Variants in DYNC2H1 observed in about 807,000 individuals in gnomAD.
DYNC2H1 encodes the protein cytoplasmic dynein 2 heavy chain 1.
In DYNC2H1, 410 loss-of-function variants were observed where a neutral mutation model predicts 570.0. The observed-to-expected ratio is 0.72, with a 90% CI of 0.66 to 0.78. The LOEUF (loss-of-function observed/expected upper bound fraction) is 0.78. DYNC2H1 is among the 30% of genes least tolerant of loss of function. DYNC2H1 has a pLI of 0.00. For synonymous variants in DYNC2H1, 1,688 were observed against 1,677.6 expected, an observed-to-expected ratio of 1.01 and a Z score of -0.15; for missense variants, 4,865 against 5,046.4, an observed-to-expected ratio of 0.96 and a Z score of 1.09.
At chr11:103,402,335 G>C (rs1273851433) in intron 84 of DYNC2H1, 2 of 152,120 alleles carry the variant, frequency 1.3e-5, no homozygotes, top group Non-Finnish European at 2.9e-5. Context: ...ATAATAAATA[G>C]GATTATTCCA....
intron 59 of DYNC2H1, among the ~76,000 whole-genome samples, chr11:103,225,684 G>A (rs1427910164): frequency 2.0e-5 from 3 of 152,128 alleles, no homozygotes; most frequent in Admixed American, 1.3e-4. Flanking sequence ...GTTGGGTAAT[G>A]TGATGCCTCC....
Position 103,154,722 on chromosome 11 carries a change from T to C in DYNC2H1, c.3486T>C (p.Phe1162=), listed in dbSNP as rs776823080. The C allele has an allele frequency of 3.2e-6, 5 of 1,571,204 alleles. No individual in the cohort carries two copies. Among genetic ancestry groups the C allele is most frequent in the Non-Finnish European group, 3.5e-6 (4 of 1,157,976 alleles). ...FRTKTYLFEE[F]LMNWHDRLRK... ...CTAAGACATACCTGTTTGAGGAATT[T>C]TTGATGAACTGGCATGACAGATTAA... The change falls in exon 24 of 89, where the codon TTT becomes TTC. Residue 1162 remains phenylalanine, a synonymous_variant. Transcript: ENST00000375735.
At chr11:103,208,339 G>T (rs1053646695) in intron 52 of DYNC2H1, among the ~76,000 whole-genome samples, 2 of 152,172 alleles carry the variant, frequency 1.3e-5, no homozygotes, top group Non-Finnish European at 2.9e-5. Flanking sequence ...TGGACTGGTA[G>T]ATGCCTGCAC....
At chr11:103,375,201 A>G (rs1941342533) in intron 83 of DYNC2H1, among the ~76,000 whole-genome samples, 1 of 152,308 alleles carries the variant, frequency 6.6e-6, no homozygotes, top group East Asian at 1.9e-4. Context: ...GGTGCACAGA[A>G]AACAAGAATT....
At chr11:103,444,088 A>T (rs2135775505) in intron 85 of DYNC2H1, among the ~76,000 whole-genome samples, 1 of 151,870 alleles carries the variant, frequency 6.6e-6, no homozygotes, top group East Asian at 1.9e-4. Flanking sequence ...ATATTTTTGT[A>T]TTAGTTAAAT....
Position 103,255,472 on chromosome 11 carries a change from C to T in DYNC2H1, c.10264C>T (p.Leu3422=). 6.4e-7 allele frequency: 1 copy of T among 1,569,300 alleles called. No individual in the cohort carries two copies. The highest frequency in any genetic ancestry group is 8.7e-7 in the Non-Finnish European group (1 of 1,156,018). ...KPDLEEQKTK[L]LQQEEDKKIQ... ...TGATTTAGAAGAACAGAAAACAAAA[C>T]TATTACAACAGGAAGAAGATAAGAA... The change falls in exon 67 of 89, where the codon CTA becomes TTA. Residue 3422 remains leucine, a synonymous_variant. Coordinates refer to ENST00000375735, the MANE Select transcript of DYNC2H1 (RefSeq NM_001377.3).
At chr11:103,366,587 G>A (rs555634623) in intron 83 of DYNC2H1, among the ~76,000 whole-genome samples, 2 of 152,154 alleles carry the variant, frequency 1.3e-5, no homozygotes, top group South Asian at 4.1e-4. Flanking sequence ...GTTTAATGAC[G>A]TAAAGCATGG....
intron 13 of DYNC2H1, among the ~76,000 whole-genome samples, chr11:103,132,694 C>T (rs1859340048): frequency 6.6e-6 from 1 of 151,508 alleles, no homozygotes. Context: ...TCCTGCTGGG[C>T]CCTACAGTAC....
chr11:103,220,182 A>G (rs1863532013), intron 56 of DYNC2H1, among the ~76,000 whole-genome samples, 154 bp downstream of exon 56: 1 of 152,224 alleles, frequency 6.6e-6, no homozygotes, highest in African/African-American at 2.4e-5. Context: ...AACAAGAAGG[A>G]AAGCCTTCCA....
rs1860904263 is a variant in DYNC2H1 at position 103,157,824 on chromosome 11, G to C, written c.4128-853G>C. ...AGGGATAAAGCATGATCTGCTCCTT[G>C]TTCATTTCTCTATCCTTTTCTTGTG... On this transcript the variant is annotated intron_variant, in intron 26 of 88. Transcript: ENST00000375735. This position sits in a 1 kb window ranked among gnomAD's most constrained non-coding sequence, Gnocchi z 4.2. Among the ~76,000 whole-genome samples, 1 of 152,004 alleles carries C rather than the reference G, an allele frequency of 6.6e-6. No homozygotes were observed. The highest frequency in any genetic ancestry group is 1.5e-5 in the Non-Finnish European group (1 of 68,000).
chr11:103,452,333 A>G (rs1206182166), intron 85 of DYNC2H1, among the ~76,000 whole-genome samples: 1 of 144,884 alleles, frequency 6.9e-6, no homozygotes, highest in African/African-American at 2.5e-5. Flanking sequence ...ATACATTTGA[A>G]TCACTTAATT....
chr11:103,128,743 T>C (rs1012355794), intron 12 of DYNC2H1, among the ~76,000 whole-genome samples, 167 bp from the exon 13 acceptor site: 5 of 152,222 alleles, frequency 3.3e-5, no homozygotes, highest in Non-Finnish European at 5.9e-5. Context: ...ACTTACTTGT[T>C]GATTGTGTGT....
At chr11:103,274,524 A>G (rs1865835328) in intron 70 of DYNC2H1, among the ~76,000 whole-genome samples, 1 of 152,166 alleles carries the variant, frequency 6.6e-6, no homozygotes. Flanking sequence ...ATGTTATTAT[A>G]ATCATTTTAA....
intron 84 of DYNC2H1, among the ~76,000 whole-genome samples, chr11:103,422,448 C>G (rs1313930580): frequency 6.6e-6 from 1 of 152,126 alleles, no homozygotes; most frequent in Non-Finnish European, 1.5e-5. Context: ...CAATAAAATA[C>G]TGGCAAACCA....
chr11:103,417,756 A>G (rs1318859271), intron 84 of DYNC2H1, among the ~76,000 whole-genome samples: 3 of 151,938 alleles, frequency 2.0e-5, no homozygotes, highest in Non-Finnish European at 4.4e-5. Flanking sequence ...CGTGCCTGTA[A>G]TTCCAGCTAC....
rs749867221 is a variant in DYNC2H1, at chr11:103,186,409, C to T, written c.6801C>T (p.Asp2267=). ...CTCTTCCAGTCATTCAGACTCCTGA[C>T]ATGCAACGAGGTCTAGATTATTTCA... is the stretch of plus-strand genomic sequence containing the variant. The part of the protein sequence containing the change: ...GLTLPVIQTP[D]MQRGLDYFKP... The change falls in exon 42 of 89, where the codon GAC becomes GAT. Residue 2267 remains aspartate, a synonymous_variant. Transcript: ENST00000375735. This position sits in a 1 kb window ranked among gnomAD's most constrained non-coding sequence, Gnocchi z 4.5. The T allele has an allele frequency of 2.5e-6, 4 of 1,612,884 alleles. No individual in the cohort carries two copies. The Admixed American group carries it at 6.7e-5, about 27-fold the overall frequency.
intron 84 of DYNC2H1, among the ~76,000 whole-genome samples, chr11:103,415,371 G>T (rs550756066): frequency 6.6e-6 from 1 of 152,172 alleles, no homozygotes; most frequent in Non-Finnish European, 1.5e-5. Flanking sequence ...ACTACCATCA[G>T]AGTGAACAGG....
chr11:103,156,695 A>G lies in DYNC2H1; in HGVS notation c.4052A>G (p.Tyr1351Cys). 1.2e-6 allele frequency: 2 copies of G among 1,613,298 alleles called. No homozygotes were observed. The highest frequency in any genetic ancestry group is 1.7e-6 in the Non-Finnish European group (2 of 1,179,650). ...AATCATATTCAGAGAAAGTGGGTGTATTTGGAACCCATTTTCGGCCGTGGA... is the reference window on the plus strand; with the variant it reads ...AATCATATTCAGAGAAAGTGGGTGTGTTTGGAACCCATTTTCGGCCGTGGA... Reference protein sequence around the residue: ...NLNHIQRKWVYLEPIFGRGAL... With the variant: ...NLNHIQRKWVCLEPIFGRGAL... The change falls in exon 26 of 89, where the codon TAT (tyrosine) becomes TGT (cysteine). Residue 1351 changes from tyrosine to cysteine, a missense_variant. By Grantham distance (194) the Tyr-to-Cys change is radical. Transcript: ENST00000375735.
Position 103,117,793 on chromosome 11 carries a change from T to G in DYNC2H1, c.929T>G (p.Val310Gly), listed in dbSNP as rs970065459. 1 of 1,613,232 alleles carries G rather than the reference T, an allele frequency of 6.2e-7. No individual in the cohort carries two copies. Among genetic ancestry groups the G allele is most frequent in the Non-Finnish European group, 8.5e-7 (1 of 1,179,336 alleles). Reference sequence around the variant, plus strand: ...ACAGGTCAGGTGTGGCAGCGCTATGTTCCTCATCCATGGAAAAATGAAAAA... The same window carrying G: ...ACAGGTCAGGTGTGGCAGCGCTATGGTCCTCATCCATGGAAAAATGAAAAA... ...HLTGQVWQRY[V>G]PHPWKNEKYF... The change falls in exon 6 of 89, where the codon GTT (valine) becomes GGT (glycine). Residue 310 changes from valine (V) to glycine (G), a missense_variant. Transcript: ENST00000375735.
Sources: allele counts gnomAD v4.1 joint callset (sites outside exome capture counted in the v4.1 genomes callset), GRCh38; gene constraint gnomAD v4.1.1; non-coding constraint Gnocchi (gnomAD v3.1); transcripts MANE v1.5; gene names NCBI Gene and HGNC (gene_info 2026-07-23, HGNC 2026-07-21).